The following TMEM266 variants were observed in gnomAD, a reference collection of about 807,000 sequenced individuals.
TMEM266 encodes the protein transmembrane protein 266.
TMEM266 carries 33 observed loss-of-function variants against 50.5 expected under a neutral mutation model. The ratio of observed to expected loss-of-function variants is 0.65; its 90% CI spans 0.50 to 0.87. The LOEUF (loss-of-function observed/expected upper bound fraction) is 0.87, where lower values mean the gene tolerates loss of function less well. Ranked by LOEUF, TMEM266 falls within the 40% of genes least tolerant of loss-of-function variation. The pLI is 0.00. For missense variants in TMEM266, 655 were observed against 695.1 expected (o/e 0.94, Z 0.65); for synonymous variants, 310 against 292.3 (o/e 1.06, Z -0.62).
intron 1 of TMEM266, among the ~76,000 whole-genome samples, chr15:76,079,110 TG>T (rs1322725381): frequency 2.0e-5 from 3 of 152,206 alleles, no homozygotes; most frequent in Admixed American, 2.0e-4. Context: ...CCCAGCACTC[TG>T]GGAGGCCTAA....
chr15:76,169,039 G>T (rs1253286528), intron 5 of TMEM266, among the ~76,000 whole-genome samples: 2 of 152,244 alleles, frequency 1.3e-5, no homozygotes, highest in African/African-American at 4.8e-5. Context: ...GCTTGGGGTT[G>T]TTGGGGACCC....
intron 8 of TMEM266, among the ~76,000 whole-genome samples, chr15:76,186,584 C>T (rs2460155): frequency 0.2 from 31,004 of 152,172 alleles, 3,462 homozygotes; most frequent in African/African-American, 0.28. Context: ...CAGTCCATGC[C>T]ATGTGCTGAT....
At chr15:76,073,301 C>T (rs1257632071) in intron 1 of TMEM266, among the ~76,000 whole-genome samples, 2 of 148,242 alleles carry the variant, frequency 1.3e-5, no homozygotes, top group South Asian at 2.2e-4. Context: ...GGTGCGATCT[C>T]GGCTCACTGC....
intron 2 of TMEM266, among the ~76,000 whole-genome samples, chr15:76,136,710 A>T (rs1316614563): frequency 6.6e-6 from 1 of 152,168 alleles, no homozygotes; most frequent in East Asian, 1.9e-4. Context: ...GACATACTGG[A>T]TGGACCGAAG....
At chr15:76,199,606 G>A (rs1321508555) in intron 9 of TMEM266, among the ~76,000 whole-genome samples, 4 of 152,216 alleles carry the variant, frequency 2.6e-5, no homozygotes, top group Admixed American at 6.5e-5. Flanking sequence ...GAACACGCTC[G>A]GAGGATGTGA....
chr15:76,176,740 G>A (rs11856244), intron 8 of TMEM266, among the ~76,000 whole-genome samples: 11,403 of 152,244 alleles, frequency 0.075, 481 homozygotes, highest in Middle Eastern at 0.12. Flanking sequence ...TGGGCACTGA[G>A]CCCTTCTGGC....
At chr15:76,192,522 C>T (rs1278136339) in intron 9 of TMEM266, among the ~76,000 whole-genome samples, 30 of 152,152 alleles carry the variant, frequency 2.0e-4, no homozygotes, top group Non-Finnish European at 2.9e-5. Flanking sequence ...CGTCCAAAGG[C>T]GCATCGCTAA....
intron 7 of TMEM266, among the ~76,000 whole-genome samples, chr15:76,172,768 C>T (rs941973286): frequency 2.0e-5 from 3 of 152,184 alleles, no homozygotes; most frequent in African/African-American, 7.2e-5. Context: ...GAAGTGGAGC[C>T]TAAGACCCCT....
chr15:76,113,383 G>A (rs2037203327), intron 1 of TMEM266: 1 of 152,304 alleles, frequency 6.6e-6, no homozygotes, highest in African/African-American at 2.4e-5. Flanking sequence ...GAGGCAGAGA[G>A]GTGAATAATT....
intron 3 of TMEM266, among the ~76,000 whole-genome samples, chr15:76,138,805 A>C (rs2037632606): frequency 6.6e-6 from 1 of 152,150 alleles, no homozygotes; most frequent in Non-Finnish European, 1.5e-5. Flanking sequence ...TCGTTTCCCA[A>C]TTCACTTCTC....
chr15:76,091,853 TG>T (rs909572450), intron 1 of TMEM266, among the ~76,000 whole-genome samples: 3 of 151,722 alleles, frequency 2.0e-5, no homozygotes, highest in Non-Finnish European at 4.4e-5. Flanking sequence ...TATCCTGGTG[TG>T]GTGGCACATC....
At chr15:76,183,324 C>G (rs1001227215) in intron 8 of TMEM266, among the ~76,000 whole-genome samples, 6 of 151,946 alleles carry the variant, frequency 3.9e-5, no homozygotes, top group African/African-American at 1.2e-4. Context: ...CCATGTTGGC[C>G]AGGCTGGTCT....
intron 7 of TMEM266, among the ~76,000 whole-genome samples, chr15:76,172,601 C>T (rs1011261190): frequency 6.6e-6 from 1 of 152,190 alleles, no homozygotes; most frequent in Non-Finnish European, 1.5e-5. Flanking sequence ...AGTAGGGAAT[C>T]TTCATCAAAC....
chr15:76,069,648 A>G (rs1056659990), intron 1 of TMEM266, among the ~76,000 whole-genome samples: 4 of 152,052 alleles, frequency 2.6e-5, no homozygotes, highest in Non-Finnish European at 5.9e-5. Context: ...GTGAAACCCC[A>G]TCTCTACTAA....
intron 8 of TMEM266, among the ~76,000 whole-genome samples, chr15:76,177,738 G>A (rs146789323): frequency 8.3e-4 from 127 of 152,332 alleles, no homozygotes; most frequent in East Asian, 1.9e-4. Context: ...TTGCCATATC[G>A]CGTGGTTAGC....
At chr15:76,182,069 C>T (rs1366704690) in intron 8 of TMEM266, among the ~76,000 whole-genome samples, 1 of 152,174 alleles carries the variant, frequency 6.6e-6, no homozygotes, top group African/African-American at 2.4e-5. Context: ...TCCAAGGAGA[C>T]CAGTGGGACC....
intron 1 of TMEM266, among the ~76,000 whole-genome samples, chr15:76,124,888 G>A (rs1361864577): frequency 6.6e-6 from 1 of 150,804 alleles, no homozygotes; most frequent in Non-Finnish European, 1.5e-5. Context: ...GATAGCTAAA[G>A]CAACTTTGAG....
At chr15:76,202,673 G>A (rs999388937) in intron 10 of TMEM266, among the ~76,000 whole-genome samples, 1 of 152,082 alleles carries the variant, frequency 6.6e-6, no homozygotes, top group African/African-American at 2.4e-5. Context: ...CCTGCTGGAT[G>A]TTCTTGCACT....
At chr15:76,179,900 G>A (rs1366894950) in intron 8 of TMEM266, among the ~76,000 whole-genome samples, 1 of 152,158 alleles carries the variant, frequency 6.6e-6, no homozygotes, top group Non-Finnish European at 1.5e-5. Flanking sequence ...GCTGCAGTGA[G>A]CTGTAATGAC....
Sources: gnomAD v4.1 joint callset for allele counts (sites outside exome capture counted in the v4.1 genomes callset) on GRCh38, gnomAD v4.1.1 for gene constraint, MANE v1.5 for transcripts, NCBI Gene and HGNC (gene_info 2026-07-23, HGNC 2026-07-21) for gene names.